The following NME8 variants were observed in gnomAD, a reference collection of about 807,000 sequenced individuals.
NME8 encodes the protein protein NME8.
NME8 carries 72 observed loss-of-function variants against 82.3 expected under a neutral mutation model. The ratio of observed to expected loss-of-function variants is 0.87; its 90% CI spans 0.72 to 1.06. The LOEUF is 1.06. NME8 is among the 50% of genes least tolerant of loss of function. NME8 has a pLI of 0.00. For missense variants in NME8, 712 were observed against 685.4 expected, an observed-to-expected ratio of 1.04 and a Z score of -0.43; for synonymous variants, 267 against 228.5, an observed-to-expected ratio of 1.17 and a Z score of -1.52.
Position 37,864,244 on chromosome 7 carries a change from T to C in NME8, c.455-104T>C, listed in dbSNP as rs60479506. ...ATACACAGCTATCAATGGGCAACAA[T>C]TAACTGATCATTAGAAATTTACATT... is the stretch of plus-strand genomic sequence containing the variant. On this transcript the variant is annotated intron_variant, in intron 8 of 17. Transcript: ENST00000199447. The C allele has an allele frequency of 0.052, 72,444 of 1,381,858 alleles. 2,937 individuals are homozygous for C. Among genetic ancestry groups the C allele is most frequent in the African/African-American group, 0.19 (13,627 of 69,904 alleles). The allele number at this position is 1,381,858 out of a possible 1,614,324, so 85.6% of individuals were successfully genotyped here. A position where few individuals can be genotyped will look rare whatever the true frequency, so the allele number is the denominator to read the frequency against.
At chr7:37,857,469 C>A in intron 6 of NME8, 124 bp downstream of exon 6, 3 of 674,904 alleles carry the variant, frequency 4.4e-6, no homozygotes, top group Non-Finnish European at 5.2e-6. Context: ...TTTGCCTTAT[C>A]TTTTCTTGAC....
At chr7:37,871,253 A>C (rs903058726) in intron 11 of NME8, among the ~76,000 whole-genome samples, 1 of 152,164 alleles carries the variant, frequency 6.6e-6, no homozygotes, top group Non-Finnish European at 1.5e-5. Context: ...AACTCTCTCC[A>C]TGCCATCGAT....
intron 16 of NME8, among the ~76,000 whole-genome samples, chr7:37,894,946 G>T (rs1785198429): frequency 6.7e-6 from 1 of 148,800 alleles, no homozygotes; most frequent in Non-Finnish European, 1.5e-5. Context: ...CTTCACATTA[G>T]ATATAGAGGC....
intron 12 of NME8, among the ~76,000 whole-genome samples, chr7:37,880,005 A>G (rs1231786901): frequency 1.3e-5 from 2 of 152,102 alleles, no homozygotes; most frequent in South Asian, 4.1e-4. Context: ...TTCTTTGATG[A>G]TGTGTTGTCT....
chr7:37,850,219 A>C (rs1784419025), intron 2 of NME8, 41 bp from the exon 3 acceptor site: 1 of 1,516,126 alleles, frequency 6.6e-7, no homozygotes, highest in African/African-American at 1.4e-5. Context: ...TGTTATTTAA[A>C]TTTCCTACTT....
At chr7:37,879,260 T>C (rs1784906483) in intron 12 of NME8, among the ~76,000 whole-genome samples, 1 of 152,152 alleles carries the variant, frequency 6.6e-6, no homozygotes, top group Non-Finnish European at 1.5e-5. Flanking sequence ...GAGATTCTCC[T>C]GCCTCAGTCT....
chr7:37,876,546 AT>A (rs921915954), intron 11 of NME8, among the ~76,000 whole-genome samples: 23 of 152,044 alleles, frequency 1.5e-4, no homozygotes, highest in African/African-American at 5.6e-4. Context: ...GAAAAGAAAA[AT>A]TTTTCCTTAA....
chr7:37,861,650 G>A (rs1784598259), intron 6 of NME8, among the ~76,000 whole-genome samples: 1 of 152,186 alleles, frequency 6.6e-6, no homozygotes, highest in African/African-American at 2.4e-5. Context: ...GTTAAAAGAT[G>A]AGTGAGTGAA....
chr7:37,899,428 C>A (rs965240809), intron 17 of NME8, among the ~76,000 whole-genome samples: 1 of 152,008 alleles, frequency 6.6e-6, no homozygotes, highest in African/African-American at 2.4e-5. Flanking sequence ...AATGAAGGAA[C>A]AGAAAACCAA....
chr7:37,891,840 G>C (rs2131973140), intron 15 of NME8, among the ~76,000 whole-genome samples: 1 of 152,118 alleles, frequency 6.6e-6, no homozygotes, highest in South Asian at 2.1e-4. Flanking sequence ...TCTTGACTGA[G>C]TGCCTATTAT....
chr7:37,898,764 C>A (rs1785269457), intron 17 of NME8, among the ~76,000 whole-genome samples: 1 of 152,042 alleles, frequency 6.6e-6, no homozygotes, highest in South Asian at 2.1e-4. Context: ...TTTAAGTTGA[C>A]AAAATATTTT....
intron 12 of NME8, among the ~76,000 whole-genome samples, chr7:37,880,351 C>T (rs1784924125): frequency 6.6e-6 from 1 of 152,158 alleles, no homozygotes; most frequent in Admixed American, 6.6e-5. Flanking sequence ...ATAGGTCTAT[C>T]ATCCATTTTG....
At chr7:37,868,201 G>GCTCCTCAGTGAGAGAGGA (rs1784719507) in intron 11 of NME8, among the ~76,000 whole-genome samples, 1 of 152,130 alleles carries the variant, frequency 6.6e-6, no homozygotes, top group Non-Finnish European at 1.5e-5. Flanking sequence ...GTGCAGCGGG[G>GCTCCTCAGTGAGAGAGGA]CTCCTCAGTG....
chr7:37,879,426 G>A (rs374635122), intron 12 of NME8, among the ~76,000 whole-genome samples: 51 of 152,298 alleles, frequency 3.3e-4, no homozygotes, highest in African/African-American at 1.1e-3. Context: ...ATTTACAGGT[G>A]TGAGCCACCA....
intron 12 of NME8, among the ~76,000 whole-genome samples, chr7:37,877,930 A>T (rs188717614): frequency 6.6e-6 from 1 of 152,156 alleles, no homozygotes; most frequent in South Asian, 2.1e-4. Context: ...GCAAAGTGAG[A>T]TACTTGTTCC....
At chr7:37,879,355 C>T (rs1051000723) in intron 12 of NME8, among the ~76,000 whole-genome samples, 3 of 152,086 alleles carry the variant, frequency 2.0e-5, no homozygotes, top group African/African-American at 7.2e-5. Flanking sequence ...CCATGTTGGC[C>T]AGGGTAGTCT....
At chr7:37,864,751 C>T (rs1784651075) in intron 9 of NME8, among the ~76,000 whole-genome samples, 1 of 152,146 alleles carries the variant, frequency 6.6e-6, no homozygotes, top group Admixed American at 6.6e-5. Flanking sequence ...GTTTATTGGA[C>T]TTACAGTTCC....
At chr7:37,871,844 A>G (rs138153767) in intron 11 of NME8, among the ~76,000 whole-genome samples, 44 of 152,274 alleles carry the variant, frequency 2.9e-4, no homozygotes, top group Non-Finnish European at 2.1e-4. Flanking sequence ...ATTAAACATA[A>G]TAGATACAAT....
intron 10 of NME8, among the ~76,000 whole-genome samples, chr7:37,866,667 A>G (rs1294049139): frequency 1.8e-4 from 27 of 152,204 alleles, no homozygotes; most frequent in Admixed American, 1.8e-3. Context: ...GTGACTGGGA[A>G]GGGATAGGGA....
Sources: allele counts gnomAD v4.1 joint callset (sites outside exome capture counted in the v4.1 genomes callset), GRCh38; gene constraint gnomAD v4.1.1; transcripts MANE v1.5; gene names NCBI Gene and HGNC (gene_info 2026-07-23, HGNC 2026-07-21).